KDM4C: variants seen among roughly 807,000 people sequenced by gnomAD.
The protein encoded by KDM4C is lysine-specific demethylase 4C.
A neutral mutation model predicts 129.3 loss-of-function variants in KDM4C; 81 were observed. That is an observed-to-expected ratio of 0.63 (90% confidence interval 0.52 to 0.75). The LOEUF (loss-of-function observed/expected upper bound fraction) is 0.75, where lower values mean the gene tolerates loss of function less well. KDM4C is among the 30% of genes least tolerant of loss of function. The pLI is 0.00. For missense variants in KDM4C, 1,457 were observed against 1,304.0 expected (o/e 1.12, Z -1.81); for synonymous variants, 573 against 456.1 (o/e 1.26, Z -3.26).
intron 1 of KDM4C, among the ~76,000 whole-genome samples, chr9:6,729,037 C>G (rs540198112): frequency 5.4e-4 from 82 of 151,304 alleles, no homozygotes; most frequent in Non-Finnish European, 1.1e-3. Context: ...AACCCCACCT[C>G]TACTAAAAAT....
At chr9:6,959,336 C>A (rs1274805814) in intron 8 of KDM4C, among the ~76,000 whole-genome samples, 1 of 152,196 alleles carries the variant, frequency 6.6e-6, no homozygotes, top group Non-Finnish European at 1.5e-5. Flanking sequence ...AAGTGTTGGT[C>A]TGTTTCTTTG....
chr9:7,089,366 G>C (rs565149191), intron 17 of KDM4C, among the ~76,000 whole-genome samples: 24 of 152,164 alleles, frequency 1.6e-4, no homozygotes, highest in Non-Finnish European at 3.4e-4. Flanking sequence ...ATCTTTTGCA[G>C]CAGGATCGAG....
intron 17 of KDM4C, among the ~76,000 whole-genome samples, chr9:7,098,158 T>G (rs2133102675): frequency 6.6e-6 from 1 of 152,358 alleles, no homozygotes; most frequent in South Asian, 2.1e-4. Context: ...GTGATTTTTA[T>G]TTAACATTTT....
rs151307604 is a variant in KDM4C at position 7,062,972 on chromosome 9, C to T, written c.2424+13772C>T. ...TATATGAAAATTATGGAAAACTAGA[C>T]CTAAGAAGCACAAACTTTATGAAAC... On this transcript the variant is annotated intron_variant, in intron 17 of 21. Coordinates refer to ENST00000381309, the MANE Select transcript of KDM4C (RefSeq NM_015061.6). Among the ~76,000 whole-genome samples, 272 of 152,016 alleles carry T rather than the reference C, an allele frequency of 1.8e-3. 1 individual carries two copies. The highest frequency in any genetic ancestry group is 6.7e-3 in the Admixed American group (102 of 15,268).
chr9:6,796,270 C>G (rs1827738881), intron 2 of KDM4C, among the ~76,000 whole-genome samples: 1 of 152,162 alleles, frequency 6.6e-6, no homozygotes, highest in Admixed American at 6.6e-5. Context: ...CATGGTGAAA[C>G]CCCATCTCTA....
At chr9:6,987,373 T>C (rs1808782548) in intron 11 of KDM4C, among the ~76,000 whole-genome samples, 1 of 152,236 alleles carries the variant, frequency 6.6e-6, no homozygotes, top group Non-Finnish European at 1.5e-5. Flanking sequence ...ATTGTCCTTG[T>C]ACAGTATTAA....
intron 12 of KDM4C, among the ~76,000 whole-genome samples, chr9:7,010,132 C>G (rs1211126189): frequency 6.6e-6 from 1 of 152,144 alleles, no homozygotes; most frequent in Non-Finnish European, 1.5e-5. Flanking sequence ...ATATCCTATG[C>G]TATAATAATT....
chr9:7,155,532 G>A (rs1417405863), intron 19 of KDM4C, among the ~76,000 whole-genome samples: 4 of 151,758 alleles, frequency 2.6e-5, no homozygotes, highest in East Asian at 1.9e-4. Flanking sequence ...AACAGGCCCC[G>A]GTGTGTGATG....
chr9:6,880,705 G>C (rs1479920907), intron 6 of KDM4C, among the ~76,000 whole-genome samples: 2 of 152,164 alleles, frequency 1.3e-5, no homozygotes, highest in African/African-American at 4.8e-5. Flanking sequence ...CCAGAATAAA[G>C]AACTTTTCTG....
At chr9:7,032,794 AAC>A (rs1275941941) in intron 15 of KDM4C, among the ~76,000 whole-genome samples, 1 of 152,162 alleles carries the variant, frequency 6.6e-6, no homozygotes, top group African/African-American at 2.4e-5. Context: ...CCTAATCCTG[AAC>A]AATGTATTTG....
intron 2 of KDM4C, among the ~76,000 whole-genome samples, chr9:6,802,500 A>G (rs1476521369): frequency 6.6e-6 from 1 of 152,270 alleles, no homozygotes; most frequent in Non-Finnish European, 1.5e-5. Context: ...ATAGCCAATA[A>G]TTAGAAAAAG....
In KDM4C at chr9:6,779,095, C is replaced by T. The variant is rs1213656728; in HGVS notation, c.-17-13877C>T. On this transcript the variant is annotated intron_variant, in intron 1 of 21. Coordinates refer to ENST00000381309, the MANE Select transcript of KDM4C (RefSeq NM_015061.6). ...CCAGGCTGGAGTGCAGTGGCGTGATCTTGGCTCACTGCAAGCTCCACCTTC... is the reference window on the plus strand; with the variant it reads ...CCAGGCTGGAGTGCAGTGGCGTGATTTTGGCTCACTGCAAGCTCCACCTTC... 4.8e-5 allele frequency among the ~76,000 whole-genome samples: 7 copies of T among 144,846 alleles called. No homozygotes were observed. The East Asian group carries it at 1.5e-3, about 31-fold the overall frequency.
chr9:7,020,468 A>T (rs1169737974), intron 15 of KDM4C, among the ~76,000 whole-genome samples: 2 of 152,098 alleles, frequency 1.3e-5, no homozygotes, highest in Non-Finnish European at 2.9e-5. Context: ...GCTCTGTTTG[A>T]TTGAAACCCT....
At position 6,949,256 on chromosome 9, in the gene KDM4C, G is replaced by T. The variant is rs931958796; in HGVS notation, c.922-31669G>T. On this transcript the variant is annotated intron_variant, in intron 8 of 21. Transcript: ENST00000381309. ...TCCTCACCTCCCAGACGGGGTTGCG[G>T]CCGGGCAGAGGCGCTCCTCACATCC... Among the ~76,000 whole-genome samples the T allele has an allele frequency of 5.5e-4, 84 of 152,004 alleles. 1 individual carries two copies. The highest frequency in any genetic ancestry group is 2.0e-3 in the African/African-American group (82 of 41,482).
chr9:6,835,055 C>T, intron 4 of KDM4C: 1 of 959,560 alleles, frequency 1.0e-6, no homozygotes, highest in Non-Finnish European at 1.7e-6. Flanking sequence ...AGCTTCACCA[C>T]CACGGCTGAG....
chr9:6,923,923 C>T (rs1046899787), intron 8 of KDM4C, among the ~76,000 whole-genome samples: 2 of 152,174 alleles, frequency 1.3e-5, no homozygotes, highest in Non-Finnish European at 2.9e-5. Flanking sequence ...GAGACCGATG[C>T]TTATGGCTGC....
At position 7,168,083 on chromosome 9, in the gene KDM4C, G is replaced by A. The variant is rs570925948; in HGVS notation, c.2902-1715G>A. ...CATGCTTATAATTACAGCTACTTGA[G>A]AGGCTGAGGCAGAAGAATCACTTGA... is the stretch of plus-strand genomic sequence containing the variant. On this transcript the variant is annotated intron_variant, in intron 20 of 21. Coordinates refer to ENST00000381309, the MANE Select transcript of KDM4C (RefSeq NM_015061.6). Among the ~76,000 whole-genome samples the A allele has an allele frequency of 1.1e-3, 166 of 152,278 alleles. 3 individuals carry two copies. The South Asian group carries it at 0.033, about 30-fold the overall frequency.
Position 6,835,473 on chromosome 9 carries a change from T to C in KDM4C, c.436-14034T>C, listed in dbSNP as rs1006087594. 3 of 1,408,224 alleles carry C rather than the reference T, an allele frequency of 2.1e-6. No individual in the cohort carries two copies. The South Asian group carries it at 3.5e-5, about 16-fold the overall frequency. The allele number at this position is 1,408,224 out of a possible 1,614,324, so 87.2% of individuals were successfully genotyped here. On this transcript the variant is annotated intron_variant, in intron 4 of 21. Coordinates refer to ENST00000381309, the MANE Select transcript of KDM4C (RefSeq NM_015061.6). ...CTGAGCTCAAGCACTCTGTGTGGAT[T>C]GGCGGCTCCATCCTGGCCTCGCTGT...
chr9:7,104,433 T>G (rs1282450650), intron 18 of KDM4C: 1 of 152,006 alleles, frequency 6.6e-6, no homozygotes, highest in Non-Finnish European at 1.5e-5. Flanking sequence ...CTGGAAGGAG[T>G]GAGGATAATC....
Sources: allele counts gnomAD v4.1 joint callset (sites outside exome capture counted in the v4.1 genomes callset), GRCh38; gene constraint gnomAD v4.1.1; transcripts MANE v1.5; gene names NCBI Gene and HGNC (gene_info 2026-07-23, HGNC 2026-07-21).